BLACAT1: variants seen among roughly 807,000 people sequenced by gnomAD.
BLACAT1 encodes the protein BLACAT1 overlapping LEMD1 locus.
At chr1:205,443,581 G>C (rs925393008) in intron 1 of BLACAT1, among the ~76,000 whole-genome samples, 3 of 152,194 alleles carry the variant, frequency 2.0e-5, no homozygotes, top group Non-Finnish European at 1.5e-5. Flanking sequence ...GGCTGCCTCA[G>C]TGGGATTCCT....
chr1:205,453,769 G>A (rs1666527403), intron 1 of BLACAT1, among the ~76,000 whole-genome samples: 1 of 152,150 alleles, frequency 6.6e-6, no homozygotes, highest in Non-Finnish European at 1.5e-5. Flanking sequence ...ACACAGGGAG[G>A]TTCTTGTGTT....
chr1:205,439,434 C>A (rs1008493067), downstream of BLACAT1, among the ~76,000 whole-genome samples: 3 of 152,234 alleles, frequency 2.0e-5, no homozygotes, highest in Non-Finnish European at 4.4e-5. Context: ...CTGCCCAAAG[C>A]CCAGGAAAGG....
chr1:205,454,670 T>G (rs1024492808), intron 1 of BLACAT1, among the ~76,000 whole-genome samples: 1 of 151,996 alleles, frequency 6.6e-6, no homozygotes, highest in African/African-American at 2.4e-5. Context: ...CTCCGTTGTG[T>G]CCTCCTGGAG....
downstream of BLACAT1, chr1:205,435,252 T>C (rs920419502): frequency 6.6e-6 from 1 of 152,178 alleles, no homozygotes. Context: ...TAGGGGTATA[T>C]AGGTGGGGAA....
downstream of BLACAT1, among the ~76,000 whole-genome samples, chr1:205,438,702 G>A (rs572124755): frequency 6.6e-6 from 1 of 152,232 alleles, no homozygotes; most frequent in East Asian, 1.9e-4. Context: ...GGGGCTGCCG[G>A]CTTGGAGGCA....
downstream of BLACAT1, chr1:205,436,393 TC>T (rs1666204647): frequency 6.6e-6 from 1 of 151,884 alleles, no homozygotes; most frequent in Non-Finnish European, 1.5e-5. Flanking sequence ...CCGTGAAGAG[TC>T]AAGGTTCCTG....
In BLACAT1 at chr1:205,444,899, C is replaced by T. The variant is rs1383383116; in HGVS notation, c.-36-3837G>A. 4.6e-5 allele frequency among the ~76,000 whole-genome samples: 7 copies of T among 151,706 alleles called. No homozygotes were observed. The East Asian group carries it at 1.4e-3, about 29-fold the overall frequency. The stretch of plus-strand genomic sequence containing the variant: ...CCCACCTTAACTCCCCGCCACCCCC[C>T]ACCCCAGGTAAAGGGCAAAAGAGAA... On this transcript the variant is annotated intron_variant, in intron 1 of 1. Transcript: ENST00000629624.
downstream of BLACAT1, chr1:205,436,408 C>T (rs1666204827): frequency 6.6e-6 from 1 of 152,244 alleles, no homozygotes; most frequent in South Asian, 2.1e-4. Flanking sequence ...GTTCCTGTTT[C>T]TTCTTCATGA....
intron 1 of BLACAT1, among the ~76,000 whole-genome samples, chr1:205,451,835 C>A (rs752383965): frequency 6.6e-6 from 1 of 151,896 alleles, no homozygotes; most frequent in African/African-American, 2.4e-5. Context: ...TATTATTATT[C>A]CCATTGGGTA....
downstream of BLACAT1, chr1:205,437,757 T>A (rs533908009): frequency 6.6e-6 from 1 of 152,308 alleles, no homozygotes; most frequent in Admixed American, 6.5e-5. Context: ...CCCCTATTTA[T>A]AGTTGAGGAA....
downstream of BLACAT1, among the ~76,000 whole-genome samples, chr1:205,439,799 G>A (rs920626555): frequency 6.6e-6 from 1 of 152,122 alleles, no homozygotes; most frequent in Non-Finnish European, 1.5e-5. Flanking sequence ...TCTAGCCCCG[G>A]AGAACTCCAG....
At chr1:205,454,047 G>A (rs913507842) in intron 1 of BLACAT1, among the ~76,000 whole-genome samples, 1 of 152,170 alleles carries the variant, frequency 6.6e-6, no homozygotes, top group African/African-American at 2.4e-5. Flanking sequence ...CCAAGCCCCT[G>A]TGGAGTACCT....
At chr1:205,443,060 G>C (rs1453141189) in intron 1 of BLACAT1, among the ~76,000 whole-genome samples, 1 of 152,214 alleles carries the variant, frequency 6.6e-6, no homozygotes, top group Non-Finnish European at 1.5e-5. Flanking sequence ...AGGGAGGGCA[G>C]GTGGATTCCC....
At chr1:205,437,968 C>G (rs1425658046), downstream of BLACAT1, 1 of 152,050 alleles carries the variant, frequency 6.6e-6, no homozygotes, top group Non-Finnish European at 1.5e-5. Flanking sequence ...TTTCTATGAA[C>G]CCATATGCTA....
intron 1 of BLACAT1, among the ~76,000 whole-genome samples, chr1:205,449,400 G>A (rs1286372691): frequency 1.3e-5 from 2 of 152,002 alleles, no homozygotes; most frequent in African/African-American, 4.8e-5. Flanking sequence ...GGGCCCCCAA[G>A]AAGATGGTAA....
chr1:205,452,502 A>G (rs1666511195), intron 1 of BLACAT1, among the ~76,000 whole-genome samples: 3 of 152,220 alleles, frequency 2.0e-5, no homozygotes, highest in African/African-American at 7.2e-5. Context: ...AGATCATCAA[A>G]CATAGGGTGC....
intron 1 of BLACAT1, among the ~76,000 whole-genome samples, chr1:205,447,126 A>C (rs1575011760): frequency 6.6e-6 from 1 of 152,354 alleles, no homozygotes; most frequent in East Asian, 1.9e-4. Flanking sequence ...AATATGCAGC[A>C]TGATGTGCTA....
intron 1 of BLACAT1, among the ~76,000 whole-genome samples, chr1:205,445,921 C>A (rs958591594): frequency 9.9e-5 from 15 of 152,174 alleles, no homozygotes; most frequent in African/African-American, 3.6e-4. Context: ...TAGTCAAACT[C>A]TATTTCCACT....
At chr1:205,443,084 T>C (rs1263364298) in intron 1 of BLACAT1, among the ~76,000 whole-genome samples, 1 of 152,166 alleles carries the variant, frequency 6.6e-6, no homozygotes, top group African/African-American at 2.4e-5. Context: ...TAATCAGTTA[T>C]TGTCACACGT....
Sources: allele counts gnomAD v4.1 joint callset (sites outside exome capture counted in the v4.1 genomes callset), GRCh38; gene constraint gnomAD v4.1.1; transcripts MANE v1.5; gene names NCBI Gene and HGNC (gene_info 2026-07-23, HGNC 2026-07-21).